The following DKK3 variants were observed in gnomAD, a reference collection of about 807,000 sequenced individuals.
The protein encoded by DKK3 is dickkopf Wnt signaling pathway inhibitor 3.
A neutral mutation model predicts 33.2 loss-of-function variants in DKK3; 22 were observed. That is an observed-to-expected ratio of 0.66 (90% CI 0.47 to 0.95). DKK3 has a LOEUF of 0.95. Ranked by LOEUF, DKK3 falls within the 40% of genes least tolerant of loss-of-function variation. The pLI is 0.00. For synonymous variants in DKK3, 194 were observed against 188.8 expected (o/e 1.03, Z -0.23); for missense variants, 398 against 458.4 (o/e 0.87, Z 1.20).
At chr11:11,989,939 C>T (rs1200173308) in intron 3 of DKK3, among the ~76,000 whole-genome samples, 2 of 152,106 alleles carry the variant, frequency 1.3e-5, no homozygotes, top group African/African-American at 2.4e-5. Context: ...TCATGTGGAT[C>T]GTGTGAAGGA....
chr11:11,997,516 G>A (rs1355651808), intron 3 of DKK3, among the ~76,000 whole-genome samples: 1 of 152,140 alleles, frequency 6.6e-6, no homozygotes, highest in African/African-American at 2.4e-5. Flanking sequence ...AGAGGCTTCT[G>A]TGCTGCCAGG....
At position 11,963,199 on chromosome 11, in the gene DKK3, CAACTTTA is replaced by C. The variant is rs1251402306; in HGVS notation, c.*1258_*1264del. 7.2e-5 allele frequency: 11 copies of C among 152,624 alleles called. No individual in the cohort carries two copies. The highest frequency in any genetic ancestry group is 7.2e-5 in the African/African-American group (3 of 41,444). 9.5% of individuals were successfully genotyped at this position (152,624 alleles called of 1,614,324 possible). ...GAAAGCATGCTTATACAATCATGTGCAACTTTAAACTTTAAGAACTCTGGATGAATAC... is the reference window on the plus strand; with the variant it reads ...GAAAGCATGCTTATACAATCATGTGCAACTTTAAGAACTCTGGATGAATAC... On this transcript the variant is annotated 3_prime_UTR_variant, in exon 7 of 7. Coordinates refer to ENST00000683431, the MANE Select transcript of DKK3 (RefSeq NM_001018057.2).
chr11:11,984,729 G>C (rs1462414658), intron 3 of DKK3, among the ~76,000 whole-genome samples: 1 of 151,730 alleles, frequency 6.6e-6, no homozygotes, highest in African/African-American at 2.4e-5. Context: ...GTTTTCCCCT[G>C]GGCAGAAAAA....
intron 3 of DKK3, among the ~76,000 whole-genome samples, chr11:11,985,385 G>T (rs1009720528): frequency 1.3e-5 from 2 of 152,242 alleles, no homozygotes; most frequent in African/African-American, 4.8e-5. Flanking sequence ...GCCTGGGTAA[G>T]TCATTTAACT....
At chr11:11,977,757 G>A (rs1847864914) in intron 3 of DKK3, among the ~76,000 whole-genome samples, 1 of 152,078 alleles carries the variant, frequency 6.6e-6, no homozygotes. Context: ...GGCATTTCAG[G>A]CCCAAATGCA....
intron 2 of DKK3, among the ~76,000 whole-genome samples, chr11:12,000,518 T>C (rs1334343949): frequency 1.3e-5 from 2 of 151,090 alleles, no homozygotes; most frequent in African/African-American, 4.9e-5. Context: ...TTTTTTTTTT[T>C]CTTTTTTTTG....
chr11:11,967,040 G>A lies in DKK3; in HGVS notation c.587C>T (p.Thr196Ile). 6.2e-7 allele frequency: 1 copy of A among 1,614,008 alleles called. No homozygotes were observed. The highest frequency in any genetic ancestry group is 2.2e-5 in the East Asian group (1 of 44,876). The change falls in exon 5 of 7, where the codon ACC (threonine) becomes ATC (isoleucine). Residue 196 changes from threonine (T) to isoleucine (I), a missense_variant. Physicochemically the swap from Thr to Ile is moderately conservative, Grantham distance 89 (BLOSUM62 -1). Coordinates refer to ENST00000683431, the MANE Select transcript of DKK3 (RefSeq NM_001018057.2). The part of the protein sequence containing the change: ...GDQLCVWGHC[T>I]KMATRGSNGT... ...ATTGCTGCCCCTGGTGGCCATTTTG[G>A]TGCAGTGACCCCAGACACACAGCTG...
Position 12,008,449 on chromosome 11 carries a change from G to A in DKK3, c.134C>T (p.Ala45Val). 1 of 1,610,514 alleles carries A rather than the reference G, an allele frequency of 6.2e-7. No homozygotes were observed. The highest frequency in any genetic ancestry group is 8.5e-7 in the Non-Finnish European group (1 of 1,179,568). The part of the protein sequence containing the change: ...GPALSYPQEE[A>V]TLNEMFREVE... ...CTCGCGGAACATCTCATTGAGGGTG[G>A]CCTCCTCCTGCGGGTAGCTGAGAGC... Residue 45 changes from alanine to valine, a missense_variant, in exon 1 of 7, where the codon GCC becomes GTC. Coordinates refer to ENST00000683431, the MANE Select transcript of DKK3 (RefSeq NM_001018057.2). The surrounding 1 kb of genome is among the most constrained non-coding windows in gnomAD (Gnocchi z 4.6).
chr11:12,005,985 C>G (rs943659956), intron 1 of DKK3, among the ~76,000 whole-genome samples: 4 of 152,134 alleles, frequency 2.6e-5, no homozygotes, highest in African/African-American at 9.7e-5. Flanking sequence ...GTTTTGTTAT[C>G]ATTCATACTG....
chr11:11,966,071 C>A, intron 5 of DKK3, 106 bp from the exon 6 acceptor site: 1 of 1,347,992 alleles, frequency 7.4e-7, no homozygotes, highest in South Asian at 1.5e-5. Context: ...CACCCTCAAC[C>A]CCAAAGTGCA....
At chr11:11,967,956 CTGTT>C (rs1847637495) in intron 4 of DKK3, among the ~76,000 whole-genome samples, 1 of 152,166 alleles carries the variant, frequency 6.6e-6, no homozygotes, top group Non-Finnish European at 1.5e-5. Context: ...CGGAATGTCT[CTGTT>C]TGTCTATTAG....
In DKK3 at chr11:12,008,349, G is replaced by A. The variant is rs765542943; in HGVS notation, c.213+21C>T. ...CCAGTCTGGCGCTTCTCAGAGCCCC[G>A]CGCCGCCAGGGCGCACCCACCTCTT... On this transcript the variant is annotated intron_variant, in intron 1 of 6. Transcript: ENST00000683431. This position sits in a 1 kb window ranked among gnomAD's most constrained non-coding sequence, Gnocchi z 4.6. 6.9e-6 allele frequency: 11 copies of A among 1,595,600 alleles called. No homozygotes were observed. In the East Asian group the frequency reaches 2.2e-4, roughly 33 times the overall value.
chr11:11,976,366 G>A (rs977790555), intron 3 of DKK3, among the ~76,000 whole-genome samples: 16 of 152,228 alleles, frequency 1.1e-4, no homozygotes, highest in African/African-American at 3.6e-4. Flanking sequence ...GACACAATTC[G>A]ATCACCCCTG....
chr11:11,969,365 G>A (rs1227017616), intron 3 of DKK3, among the ~76,000 whole-genome samples: 2 of 152,162 alleles, frequency 1.3e-5, no homozygotes, highest in Non-Finnish European at 2.9e-5. Context: ...GCCCTTTTGA[G>A]GTATCAGGCT....
Position 11,966,939 on chromosome 11 carries a change from G to T in DKK3, c.673+15C>A, listed in dbSNP as rs1847610556. 6.2e-7 allele frequency: 1 copy of T among 1,612,804 alleles called. No homozygotes were observed. The highest frequency in any genetic ancestry group is 8.5e-7 in the Non-Finnish European group (1 of 1,179,276). ...GGGACAGGGTTTTTCCTGCATCTGA[G>T]GGGAGGCCACTCACCTCTCTGGAAG... On this transcript the variant is annotated intron_variant, in intron 5 of 6. Transcript: ENST00000683431.
At chr11:11,965,750 T>G (rs973569550) in intron 6 of DKK3, 59 bp downstream of exon 6, 2 of 1,581,860 alleles carry the variant, frequency 1.3e-6, no homozygotes. Context: ...CCTACGCCCC[T>G]GCTGGATGGC....
intron 3 of DKK3, among the ~76,000 whole-genome samples, chr11:11,987,940 C>T (rs1357982737): frequency 1.3e-5 from 2 of 152,178 alleles, no homozygotes; most frequent in African/African-American, 4.8e-5. Context: ...GAAATTAGGT[C>T]AGAAAGGAGA....
intron 3 of DKK3, among the ~76,000 whole-genome samples, chr11:11,973,033 T>C (rs1847757344): frequency 6.6e-6 from 1 of 152,128 alleles, no homozygotes; most frequent in African/African-American, 2.4e-5. Context: ...ATCTACCTCT[T>C]AGCCCTGGGA....
chr11:11,984,050 GTC>G lies in DKK3; in HGVS notation c.435+14644_435+14645del, dbSNP rs1299437620. On this transcript the variant is annotated intron_variant, in intron 3 of 6. Transcript: ENST00000683431. ...CCCTGCTGCCCACTAGGCCATGTCT[GTC>G]TCTGTGACGAGGAGTGACTAGGAGG... Among the ~76,000 whole-genome samples the G allele has an allele frequency of 3.3e-5, 5 of 152,224 alleles. No homozygotes were observed. The East Asian group carries it at 9.6e-4, about 29-fold the overall frequency.
Sources: allele counts gnomAD v4.1 joint callset (sites outside exome capture counted in the v4.1 genomes callset), GRCh38; gene constraint gnomAD v4.1.1; non-coding constraint Gnocchi (gnomAD v3.1); transcripts MANE v1.5; gene names NCBI Gene and HGNC (gene_info 2026-07-23, HGNC 2026-07-21).